The following ZC3H12B variants were observed in gnomAD, a reference collection of about 807,000 sequenced individuals.
ZC3H12B encodes zinc finger CCCH-type containing 12B.
ZC3H12B carries 7 observed loss-of-function variants against 43.9 expected under a neutral mutation model. The observed-to-expected ratio is 0.16, with a 90% CI of 0.09 to 0.30. ZC3H12B has a LOEUF of 0.30. ZC3H12B is among the 10% of genes least tolerant of loss of function. The pLI is 1.00. For synonymous variants in ZC3H12B, 222 were observed against 241.7 expected (o/e 0.92, Z 0.76); for missense variants, 475 against 670.2 (o/e 0.71, Z 3.22).
intron 2 of ZC3H12B, among the ~76,000 whole-genome samples, chrX:65,369,752 A>T (rs2066220861): frequency 8.9e-6 from 1 of 111,881 alleles, no homozygotes; most frequent in Non-Finnish European, 1.9e-5. Flanking sequence ...AGTGAGAACC[A>T]AAATTTCCAG....
chrX:65,325,322 C>T, the ZC3H12B span, among the ~76,000 whole-genome samples: 3 of 111,233 alleles, frequency 2.7e-5, no homozygotes, highest in Non-Finnish European at 5.7e-5. Context: ...TTGCTAACTG[C>T]AGATGTCATG....
chrX:65,259,466 A>T, the ZC3H12B span, among the ~76,000 whole-genome samples: 1 of 111,992 alleles, frequency 8.9e-6, no homozygotes, highest in Admixed American at 9.5e-5. Flanking sequence ...ACCCTGGGAG[A>T]TAACCTAGGG....
At chrX:65,108,297 T>G in the ZC3H12B span, among the ~76,000 whole-genome samples, 1 of 111,924 alleles carries the variant, frequency 8.9e-6, no homozygotes, top group East Asian at 2.8e-4. Context: ...AACATTTTAA[T>G]TTTTTAATTT....
chrX:65,164,378 A>C, the ZC3H12B span, among the ~76,000 whole-genome samples: 2 of 111,424 alleles, frequency 1.8e-5, no homozygotes, highest in African/African-American at 6.5e-5. Flanking sequence ...GATCTGAAAA[A>C]TACCTCAAAC....
chrX:65,335,258 C>G, the ZC3H12B span, among the ~76,000 whole-genome samples: 1 of 111,367 alleles, frequency 9.0e-6, no homozygotes, highest in Non-Finnish European at 1.9e-5. Context: ...GGCACCTCCT[C>G]TTTTTTTCTG....
the ZC3H12B span, chrX:65,186,448 C>T: frequency 9.6e-6 from 1 of 103,871 alleles, no homozygotes; most frequent in Admixed American, 1.0e-4. Flanking sequence ...GCCAAGATCT[C>T]ACCACTGTAC....
chrX:65,196,178 C>T, the ZC3H12B span, among the ~76,000 whole-genome samples: 1 of 103,982 alleles, frequency 9.6e-6, no homozygotes, highest in South Asian at 4.9e-4. Flanking sequence ...CAGCTGGTGC[C>T]CCATGTGAGG....
the ZC3H12B span, among the ~76,000 whole-genome samples, chrX:65,296,155 A>T: frequency 2.7e-5 from 3 of 112,163 alleles, no homozygotes; most frequent in Non-Finnish European, 5.6e-5. Context: ...CAGTATATGT[A>T]TACCATGGAA....
the ZC3H12B span, among the ~76,000 whole-genome samples, chrX:65,335,343 G>T: frequency 9.0e-6 from 1 of 111,491 alleles, no homozygotes; most frequent in Non-Finnish European, 1.9e-5. Flanking sequence ...GCTTAAAAAA[G>T]AAGGTCCTTT....
the ZC3H12B span, among the ~76,000 whole-genome samples, chrX:65,263,398 T>C: frequency 9.0e-6 from 1 of 110,748 alleles, no homozygotes; most frequent in African/African-American, 3.3e-5. Context: ...TGGGACTTAA[T>C]GGATGAGTGT....
chrX:65,243,709 G>A, the ZC3H12B span, among the ~76,000 whole-genome samples: 3 of 111,964 alleles, frequency 2.7e-5, no homozygotes, highest in African/African-American at 6.5e-5. Flanking sequence ...TCCAAGATAC[G>A]GAATCAACCT....
rs60716703 is a variant in ZC3H12B at position 65,468,650 on chromosome X, A to ATTT, written n.408-19977_408-19975dup. ...AGGTGCCCGCCACCGTGCCCGGCTA[A>ATTT]TTTTTTTTTTTTTTTTTTTTTGTAT... On this transcript the variant is annotated intron_variant and non_coding_transcript_variant, in intron 3 of 5. Coordinates refer to the ZC3H12B transcript ENST00000617377. Among the ~76,000 whole-genome samples, 398 of 74,853 alleles carry ATTT rather than the reference A, an allele frequency of 5.3e-3. 9 individuals carry two copies. Among genetic ancestry groups the ATTT allele is most frequent in the African/African-American group, 0.022 (374 of 16,696 alleles). The allele number at this position is 74,853 out of a possible 115,157, so 65.0% of individuals were successfully genotyped here.
At chrX:65,378,472 A>G (rs1405456968) in intron 2 of ZC3H12B, among the ~76,000 whole-genome samples, 1 of 111,815 alleles carries the variant, frequency 8.9e-6, no homozygotes, top group African/African-American at 3.3e-5. Flanking sequence ...AACAGATACA[A>G]AAAAAAATTA....
At chrX:65,455,460 G>A (rs968487543) in intron 3 of ZC3H12B, among the ~76,000 whole-genome samples, 3 of 111,892 alleles carry the variant, frequency 2.7e-5, no homozygotes, top group Non-Finnish European at 3.8e-5. Flanking sequence ...AAAGCCTCCA[G>A]GAAATATGAG....
At chrX:65,290,617 A>G in the ZC3H12B span, among the ~76,000 whole-genome samples, 1 of 111,545 alleles carries the variant, frequency 9.0e-6, no homozygotes, top group Non-Finnish European at 1.9e-5. Flanking sequence ...GTATTCCTCA[A>G]TAGATGAATG....
Position 65,373,946 on chromosome X carries a change from G to GT in ZC3H12B, n.295+4950dup, listed in dbSNP as rs1488984661. Among the ~76,000 whole-genome samples, 100 of 37,245 alleles carry GT rather than the reference G, an allele frequency of 2.7e-3. 9 individuals carry two copies. In the African/African-American group the frequency reaches 0.071, roughly 26 times the overall value. 32.3% of individuals were successfully genotyped at this position (37,245 alleles called of 115,157 possible). A position where few individuals can be genotyped will look rare whatever the true frequency, so the allele number is the denominator to read the frequency against. ...ACTATATATATAGTATATATATATAGTTATATATATATACTGTATATATAG... is the reference window on the plus strand; with the variant it reads ...ACTATATATATAGTATATATATATAGTTTATATATATATACTGTATATATAG... On this transcript the variant is annotated intron_variant and non_coding_transcript_variant, in intron 2 of 5. Transcript: ENST00000617377.
chrX:65,103,041 T>C, the ZC3H12B span, among the ~76,000 whole-genome samples: 2 of 111,564 alleles, frequency 1.8e-5, no homozygotes, highest in African/African-American at 6.5e-5. Flanking sequence ...TTGTCATTGA[T>C]AACATCTTAT....
At chrX:65,499,802 A>G in intron 3 of ZC3H12B, 81 bp from the exon 9 acceptor site, 1 of 774,945 alleles carries the variant, frequency 1.3e-6, no homozygotes, top group Admixed American at 2.4e-5. Flanking sequence ...AGTACAGGCA[A>G]GAGGTAATGA....
the ZC3H12B span, among the ~76,000 whole-genome samples, chrX:65,085,298 TGAG>T: frequency 9.0e-6 from 1 of 111,668 alleles, no homozygotes; most frequent in Non-Finnish European, 1.9e-5. Flanking sequence ...AATAAATACT[TGAG>T]GAGATGGATG....
Sources: allele counts gnomAD v4.1 joint callset (sites outside exome capture counted in the v4.1 genomes callset), GRCh38; gene constraint gnomAD v4.1.1; transcripts MANE v1.5; gene names NCBI Gene and HGNC (gene_info 2026-07-23, HGNC 2026-07-21).